The following LCOR variants were observed in gnomAD, a reference collection of about 807,000 sequenced individuals.
The protein encoded by LCOR is ligand-dependent corepressor.
Under a neutral mutation model 64.4 loss-of-function variants are expected in LCOR, and 14 were observed. The observed-to-expected ratio is 0.22, with a 90% confidence interval of 0.14 to 0.34. The LOEUF (loss-of-function observed/expected upper bound fraction) is 0.34, where lower values mean the gene tolerates loss of function less well. Among genes scored for constraint, LCOR ranks in the 10% least tolerant of loss-of-function variants. The probability of loss-of-function intolerance (pLI) is 1.00; values close to 1 mark genes in which losing one functional copy is unlikely to be tolerated. For synonymous variants in LCOR, 643 were observed against 642.5 expected (o/e 1.00, Z -0.01); for missense variants, 1,686 against 1,765.3 (o/e 0.96, Z 0.80).
chr10:96,903,362 C>A (rs1339683663), intron 2 of LCOR, among the ~76,000 whole-genome samples: 2 of 152,084 alleles, frequency 1.3e-5, no homozygotes, highest in Non-Finnish European at 2.9e-5. Context: ...TATGGGACTA[C>A]CGTGGTATAT....
At chr10:96,900,455 T>C (rs115881569) in intron 2 of LCOR, among the ~76,000 whole-genome samples, 1 of 151,440 alleles carries the variant, frequency 6.6e-6, no homozygotes. Flanking sequence ...TGAAAAAAAT[T>C]AAAGCAAAAT....
At chr10:96,930,690 G>A (rs1307125934) in intron 4 of LCOR, among the ~76,000 whole-genome samples, 1 of 152,208 alleles carries the variant, frequency 6.6e-6, no homozygotes, top group Non-Finnish European at 1.5e-5. Context: ...AAATTCAGGT[G>A]TTGCCAATGT....
intron 7 of LCOR, chr10:96,956,701 AGTGAGGATAT>A (rs1366317144): frequency 1.0e-6 from 1 of 985,792 alleles, no homozygotes; most frequent in Non-Finnish European, 1.2e-6. Flanking sequence ...CTCACCAACA[AGTGAGGATAT>A]AGCCTTATCT....
chr10:96,848,690 C>T (rs1845672664), intron 2 of LCOR, among the ~76,000 whole-genome samples: 1 of 151,872 alleles, frequency 6.6e-6, no homozygotes, highest in Non-Finnish European at 1.5e-5. Context: ...AAAATAAAAA[C>T]TGGATGCTGA....
chr10:96,903,363 C>T (rs539636998), intron 2 of LCOR, among the ~76,000 whole-genome samples: 103 of 152,208 alleles, frequency 6.8e-4, no homozygotes, highest in African/African-American at 2.4e-3. Flanking sequence ...ATGGGACTAC[C>T]GTGGTATATG....
At chr10:96,885,901 GTGTT>G (rs1280492668) in intron 2 of LCOR, among the ~76,000 whole-genome samples, 1 of 152,002 alleles carries the variant, frequency 6.6e-6, no homozygotes, top group African/African-American at 2.4e-5. Context: ...TTTAAAGATT[GTGTT>G]TGTTTTTTGA....
chr10:96,928,298 T>C, intron 4 of LCOR, among the ~76,000 whole-genome samples: 1 of 152,344 alleles, frequency 6.6e-6, no homozygotes, highest in African/African-American at 2.4e-5. Context: ...TGCTTAATAT[T>C]CTATATCCTT....
At chr10:96,863,683 T>A (rs1845926533) in intron 2 of LCOR, among the ~76,000 whole-genome samples, 1 of 152,220 alleles carries the variant, frequency 6.6e-6, no homozygotes, top group African/African-American at 2.4e-5. Context: ...TGTGCAGTCT[T>A]TAAACTGCTT....
intron 6 of LCOR, 63 bp downstream of exon 6, chr10:96,949,358 A>G (rs1218581133): frequency 6.8e-7 from 1 of 1,468,316 alleles, no homozygotes; most frequent in Non-Finnish European, 9.4e-7. Context: ...GGAGAAAAAA[A>G]AAAGCATTGG....
chr10:96,901,894 C>T (rs947946223), intron 2 of LCOR, among the ~76,000 whole-genome samples: 16 of 152,264 alleles, frequency 1.1e-4, no homozygotes, highest in South Asian at 2.1e-4. Flanking sequence ...GTCAGCCTCC[C>T]GGGTAGTTGG....
intron 4 of LCOR, among the ~76,000 whole-genome samples, chr10:96,908,501 A>G (rs1589647811): frequency 1.3e-5 from 2 of 152,326 alleles, no homozygotes; most frequent in East Asian, 1.9e-4. Flanking sequence ...ACTTCTTCAT[A>G]ATATCTGGGC....
In LCOR at chr10:96,982,419, A is replaced by T; in HGVS notation, c.1959A>T (p.Pro653=). ...GMSSPEHNQP[P]VALLDTEEMS... ...CTTCTCCTGAACACAACCAACCACC[A>T]GTTGCACTGTTGGATACGGAGGAGA... Residue 653 remains proline, a synonymous_variant, in exon 8 of 8, where the codon CCA becomes CCT. Transcript: ENST00000421806. 6.2e-7 allele frequency: 1 copy of T among 1,614,174 alleles called. No homozygotes were observed.
chr10:96,951,488 A>AT (rs1242462604), intron 6 of LCOR, among the ~76,000 whole-genome samples: 6 of 152,150 alleles, frequency 3.9e-5, no homozygotes, highest in Admixed American at 6.5e-5. Flanking sequence ...ATAAGTATAC[A>AT]TTTTTTATAG....
At chr10:96,840,307 T>C (rs1195964959) in intron 2 of LCOR, among the ~76,000 whole-genome samples, 26 of 152,232 alleles carry the variant, frequency 1.7e-4, no homozygotes, top group Admixed American at 1.7e-3. Flanking sequence ...GTAGATTCTT[T>C]TAGCATATCA....
At chr10:96,921,713 C>T (rs984637829) in intron 4 of LCOR, among the ~76,000 whole-genome samples, 8 of 152,212 alleles carry the variant, frequency 5.3e-5, no homozygotes, top group African/African-American at 1.9e-4. Flanking sequence ...ATCCACCTGC[C>T]TTGGCCTCCC....
At chr10:96,918,319 A>T (rs1846990725) in intron 4 of LCOR, among the ~76,000 whole-genome samples, 1 of 152,196 alleles carries the variant, frequency 6.6e-6, no homozygotes, top group Non-Finnish European at 1.5e-5. Context: ...AATGGACCTC[A>T]GATGGGTTGA....
chr10:96,978,012 G>C (rs1848052083), intron 7 of LCOR, among the ~76,000 whole-genome samples: 1 of 152,246 alleles, frequency 6.6e-6, no homozygotes, highest in Non-Finnish European at 1.5e-5. Context: ...CACATAACTA[G>C]TAAGCAGCAG....
rs544609834 is a variant in LCOR at position 96,833,416 on chromosome 10, C to T, written c.-393C>T. The T allele has an allele frequency of 3.0e-6, 3 of 985,996 alleles. No individual in the cohort carries two copies. The highest frequency in any genetic ancestry group is 3.6e-6 in the Non-Finnish European group (3 of 830,082). 61.1% of individuals were successfully genotyped at this position (985,996 alleles called of 1,614,324 possible). A position where few individuals can be genotyped will look rare whatever the true frequency, so the allele number is the denominator to read the frequency against. On this transcript the variant is annotated 5_prime_UTR_variant, in exon 2 of 8. Coordinates refer to ENST00000421806, the MANE Select transcript of LCOR (RefSeq NM_001346516.2). ...TTTTTCTCTCCCAAGGTCCCGTTTCCCTCTGTGCGGCGGCCGGCGGGACCA... is the reference window on the plus strand; with the variant it reads ...TTTTTCTCTCCCAAGGTCCCGTTTCTCTCTGTGCGGCGGCCGGCGGGACCA...
chr10:96,900,846 T>C (rs1436018630), intron 2 of LCOR, among the ~76,000 whole-genome samples: 1 of 151,974 alleles, frequency 6.6e-6, no homozygotes, highest in Non-Finnish European at 1.5e-5. Context: ...TCTAGAATTT[T>C]GTAAACACTG....
Sources: allele counts gnomAD v4.1 joint callset (sites outside exome capture counted in the v4.1 genomes callset), GRCh38; gene constraint gnomAD v4.1.1; transcripts MANE v1.5; gene names NCBI Gene and HGNC (gene_info 2026-07-23, HGNC 2026-07-21).